The following SLIT3 variants were observed in gnomAD, a reference collection of about 807,000 sequenced individuals.
SLIT3 encodes the protein slit homolog 3 protein.
In SLIT3, 68 loss-of-function variants were observed where a neutral mutation model predicts 184.0. The ratio of observed to expected loss-of-function variants is 0.37; its 90% CI spans 0.30 to 0.45. SLIT3 has a LOEUF of 0.45. SLIT3 is among the 20% of genes least tolerant of loss of function. The probability of loss-of-function intolerance (pLI) is 1.00; values close to 1 mark genes in which losing one functional copy is unlikely to be tolerated. For missense variants in SLIT3, 1,707 were observed against 2,026.0 expected (o/e 0.84, Z 3.02); for synonymous variants, 831 against 828.6 (o/e 1.00, Z -0.05).
intron 14 of SLIT3, chr5:168,768,188 T>C (rs1334135450): frequency 1.9e-6 from 1 of 527,524 alleles, no homozygotes; most frequent in Admixed American, 2.0e-5. Context: ...GACAGAACCA[T>C]GTTCCGTTTC....
intron 3 of SLIT3, among the ~76,000 whole-genome samples, chr5:169,199,854 G>T (rs996589728): frequency 1.4e-4 from 21 of 152,162 alleles, no homozygotes; most frequent in African/African-American, 5.1e-4. Context: ...CAACTAAAAA[G>T]TCCTTTGCGT....
chr5:169,002,441 G>C (rs1480803262), intron 4 of SLIT3, among the ~76,000 whole-genome samples: 1 of 151,764 alleles, frequency 6.6e-6, no homozygotes. Context: ...AGAATGGTCT[G>C]GGAAGTGAAG....
chr5:168,802,286 T>C (rs941132640), intron 9 of SLIT3, among the ~76,000 whole-genome samples: 1 of 116,152 alleles, frequency 8.6e-6, no homozygotes, highest in Non-Finnish European at 2.0e-5. Flanking sequence ...ACCTCTCACA[T>C]GGTAGAAGAC....
chr5:169,229,994 C>T (rs1300856009), intron 3 of SLIT3, among the ~76,000 whole-genome samples: 8 of 152,166 alleles, frequency 5.3e-5, no homozygotes, highest in African/African-American at 1.7e-4. Flanking sequence ...GCTCTTCCTT[C>T]GGTCTCACAG....
chr5:169,156,090 C>G (rs116088027), intron 4 of SLIT3, among the ~76,000 whole-genome samples: 6,800 of 152,284 alleles, frequency 0.045, 209 homozygotes, highest in East Asian at 0.09. Context: ...ATCATGAAAA[C>G]TTATTAACTT....
intron 4 of SLIT3, among the ~76,000 whole-genome samples, chr5:169,139,906 G>A (rs139793731): frequency 2.0e-5 from 3 of 152,204 alleles, no homozygotes; most frequent in South Asian, 4.1e-4. Context: ...ATACCCTCGC[G>A]AGCAAATATT....
intron 23 of SLIT3, 57 bp downstream of exon 23, chr5:168,722,199 G>T: frequency 6.7e-7 from 1 of 1,499,950 alleles, no homozygotes; most frequent in Non-Finnish European, 9.3e-7. Flanking sequence ...TGCTTAGTCT[G>T]CTTCCTGCTG....
At chr5:169,040,613 G>A (rs1443338096) in intron 4 of SLIT3, among the ~76,000 whole-genome samples, 1 of 152,146 alleles carries the variant, frequency 6.6e-6, no homozygotes, top group Non-Finnish European at 1.5e-5. Context: ...GCTTCCAAAT[G>A]TATCTTCATC....
chr5:169,073,263 A>G (rs780259362), intron 4 of SLIT3, among the ~76,000 whole-genome samples: 1 of 152,176 alleles, frequency 6.6e-6, no homozygotes, highest in Non-Finnish European at 1.5e-5. Flanking sequence ...AAAGAGTAAG[A>G]GGACAATCCT....
At chr5:169,276,072 T>C (rs780014251) in intron 1 of SLIT3, among the ~76,000 whole-genome samples, 1 of 152,092 alleles carries the variant, frequency 6.6e-6, no homozygotes, top group Non-Finnish European at 1.5e-5. Flanking sequence ...AATCCAAAAA[T>C]GGTGAGCTAA....
At chr5:168,934,939 C>T (rs1435401651) in intron 4 of SLIT3, among the ~76,000 whole-genome samples, 1 of 149,636 alleles carries the variant, frequency 6.7e-6, no homozygotes, top group African/African-American at 2.5e-5. Context: ...ACCAGCCTGG[C>T]CAACACGGTG....
At chr5:169,152,530 T>G (rs983306410) in intron 4 of SLIT3, among the ~76,000 whole-genome samples, 1 of 152,192 alleles carries the variant, frequency 6.6e-6, no homozygotes, top group Non-Finnish European at 1.5e-5. Flanking sequence ...CTCGTGGGGA[T>G]GACTTGCAGC....
chr5:168,906,609 T>C (rs187332398), intron 4 of SLIT3, among the ~76,000 whole-genome samples: 4 of 152,310 alleles, frequency 2.6e-5, no homozygotes, highest in Admixed American at 6.5e-5. Context: ...ATAAGTGGCC[T>C]TGGGAGAAGA....
chr5:168,965,658 A>G (rs1261513213), intron 4 of SLIT3, among the ~76,000 whole-genome samples: 2 of 152,224 alleles, frequency 1.3e-5, no homozygotes, highest in Non-Finnish European at 2.9e-5. Context: ...AACTGCTATT[A>G]TGCACCTACC....
chr5:169,109,456 A>C (rs1760332722), intron 4 of SLIT3, among the ~76,000 whole-genome samples: 1 of 152,254 alleles, frequency 6.6e-6, no homozygotes, highest in Non-Finnish European at 1.5e-5. Flanking sequence ...CCTCGTTTAC[A>C]GTCCTGAGAG....
At chr5:168,996,025 C>T (rs1413505266) in intron 4 of SLIT3, among the ~76,000 whole-genome samples, 3 of 152,214 alleles carry the variant, frequency 2.0e-5, no homozygotes, top group African/African-American at 7.2e-5. Context: ...TCTATAGAGA[C>T]ATCTGACACT....
chr5:168,926,713 CG>C (rs1562010085), intron 4 of SLIT3, among the ~76,000 whole-genome samples: 22 of 64,168 alleles, frequency 3.4e-4, no homozygotes, highest in Non-Finnish European at 5.0e-4. Context: ...GACTTTTCTA[CG>C]AAGAAGACTT....
chr5:169,212,837 C>T (rs140292670), intron 3 of SLIT3, among the ~76,000 whole-genome samples: 1 of 152,034 alleles, frequency 6.6e-6, no homozygotes, highest in South Asian at 2.1e-4. Flanking sequence ...ATAAGGAAGG[C>T]GTCCAGTTTC....
chr5:168,700,302 C>T (rs1762176819), intron 27 of SLIT3, among the ~76,000 whole-genome samples: 1 of 152,156 alleles, frequency 6.6e-6, no homozygotes, highest in African/African-American at 2.4e-5. Context: ...ATCACGGGGG[C>T]AGTTTCTCCC....
Sources: allele counts gnomAD v4.1 joint callset (sites outside exome capture counted in the v4.1 genomes callset), GRCh38; gene constraint gnomAD v4.1.1; transcripts MANE v1.5; gene names NCBI Gene and HGNC (gene_info 2026-07-23, HGNC 2026-07-21).